ZMAT3: variants seen among roughly 807,000 people sequenced by gnomAD.
ZMAT3 encodes zinc finger matrin-type protein 3.
A neutral mutation model predicts 32.3 loss-of-function variants in ZMAT3; 17 were observed. That is an observed-to-expected ratio of 0.53 (90% CI 0.36 to 0.79). The LOEUF (loss-of-function observed/expected upper bound fraction) is 0.79, where lower values mean the gene tolerates loss of function less well. Among genes scored for constraint, ZMAT3 ranks in the 30% least tolerant of loss-of-function variants. ZMAT3 has a pLI of 0.00. For synonymous variants in ZMAT3, 120 were observed against 133.1 expected (o/e 0.90, Z 0.68); for missense variants, 329 against 359.7 (o/e 0.91, Z 0.69).
At chr3:179,032,139 ATTGCAGGTGTGCG>A (rs1719278183) in intron 2 of ZMAT3, among the ~76,000 whole-genome samples, 1 of 149,126 alleles carries the variant, frequency 6.7e-6, no homozygotes, top group Admixed American at 6.7e-5. Flanking sequence ...AGTGCCTGCG[ATTGCAGGTGTGCG>A]CCGCCACGCC....
At chr3:179,064,078 G>A (rs1041820993) in intron 2 of ZMAT3, among the ~76,000 whole-genome samples, 1 of 152,196 alleles carries the variant, frequency 6.6e-6, no homozygotes, top group Non-Finnish European at 1.5e-5. Flanking sequence ...ATACAGTCCG[G>A]CTCTAGTGTA....
chr3:179,067,344 C>G, intron 2 of ZMAT3, 139 bp downstream of exon 2: 1 of 934,390 alleles, frequency 1.1e-6, no homozygotes, highest in Admixed American at 2.4e-5. Context: ...GGCTTTTAAT[C>G]AAACAAATTC....
chr3:179,028,709 T>C (rs1159316679), intron 3 of ZMAT3, among the ~76,000 whole-genome samples: 6 of 152,262 alleles, frequency 3.9e-5, no homozygotes, highest in African/African-American at 7.2e-5. Flanking sequence ...GGTATCTTCT[T>C]GTTCTCTGAT....
intron 2 of ZMAT3, among the ~76,000 whole-genome samples, chr3:179,044,111 T>G (rs141051838): frequency 1.9e-4 from 29 of 152,362 alleles, no homozygotes; most frequent in African/African-American, 7.0e-4. Context: ...AGGAACGCTT[T>G]ACACTGTTGG....
At chr3:179,056,146 G>A (rs574390495) in intron 2 of ZMAT3, among the ~76,000 whole-genome samples, 5 of 152,288 alleles carry the variant, frequency 3.3e-5, no homozygotes, top group Admixed American at 2.0e-4. Flanking sequence ...TGACTCTATT[G>A]AAGGCCAACT....
chr3:179,030,986 C>T lies in ZMAT3; in HGVS notation c.284G>A (p.Gly95Asp). Reference sequence around the variant, plus strand: ...TGCATAGTAATTTCGGAGTTTCTTACCATGATTTTTACCCTAGAAATAAAA... The same window carrying T: ...TGCATAGTAATTTCGGAGTTTCTTATCATGATTTTTACCCTAGAAATAAAA... ...AQAHYQGKNH[G>D]KKLRNYYAAN... The change falls in exon 3 of 6, where the codon GGT becomes GAT. Residue 95 changes from glycine (G) to aspartate (D), a missense_variant. Gly to Asp is a moderately conservative substitution (Grantham distance 94). Transcript: ENST00000311417. 6.2e-7 allele frequency: 1 copy of T among 1,613,230 alleles called. No individual in the cohort carries two copies. The highest frequency in any genetic ancestry group is 8.5e-7 in the Non-Finnish European group (1 of 1,179,634).
intron 5 of ZMAT3, among the ~76,000 whole-genome samples, chr3:179,025,683 AAG>A (rs1718829945): frequency 6.6e-6 from 1 of 152,166 alleles, no homozygotes; most frequent in South Asian, 2.1e-4. Context: ...ATTTAGGGGG[AAG>A]AAGAGATTCA....
chr3:179,027,041 C>T (rs946986756), intron 5 of ZMAT3, among the ~76,000 whole-genome samples: 2 of 152,174 alleles, frequency 1.3e-5, no homozygotes, highest in African/African-American at 4.8e-5. Flanking sequence ...TTGGGTAATT[C>T]TGTTTCACTA....
rs1448788431 is a variant in ZMAT3 at position 179,041,963 on chromosome 3, G to A, written c.271-10964C>T. On this transcript the variant is annotated intron_variant, in intron 2 of 5. Coordinates refer to ENST00000311417, the MANE Select transcript of ZMAT3 (RefSeq NM_022470.4). ...CAGTGAATACTATAAACACCTCTAC[G>A]CAAACGAACTAGAAAATCTAGAAGA... 3.3e-5 allele frequency among the ~76,000 whole-genome samples: 5 copies of A among 152,236 alleles called. No homozygotes were observed. The East Asian group carries it at 7.7e-4, about 24-fold the overall frequency.
At chr3:179,026,531 CGTATGCCACCAT>C (rs1474730118) in intron 5 of ZMAT3, among the ~76,000 whole-genome samples, 1 of 151,718 alleles carries the variant, frequency 6.6e-6, no homozygotes, top group Admixed American at 6.6e-5. Context: ...GGATTACAGG[CGTATGCCACCAT>C]GCCCAGCTAA....
intron 2 of ZMAT3, among the ~76,000 whole-genome samples, chr3:179,051,611 CA>C (rs1028425066): frequency 9.2e-5 from 14 of 152,082 alleles, no homozygotes; most frequent in Admixed American, 7.2e-4. Context: ...CAATTCCCAT[CA>C]AAATACCATC....
chr3:179,039,988 G>A (rs1342654135), intron 2 of ZMAT3, among the ~76,000 whole-genome samples: 2 of 152,028 alleles, frequency 1.3e-5, no homozygotes, highest in African/African-American at 4.8e-5. Flanking sequence ...AGTGATTGAA[G>A]ATCAAATTAA....
chr3:179,040,607 A>G (rs555885582), intron 2 of ZMAT3, among the ~76,000 whole-genome samples: 29 of 152,086 alleles, frequency 1.9e-4, no homozygotes, highest in Admixed American at 5.2e-4. Flanking sequence ...ACAACCGGTA[A>G]CAACCACTGC....
At position 179,017,713 on chromosome 3, in the gene ZMAT3, TC is replaced by T. The variant is rs1718343229; in HGVS notation, c.*7303del. On this transcript the variant is annotated 3_prime_UTR_variant, in exon 6 of 6. Coordinates refer to ENST00000311417, the MANE Select transcript of ZMAT3 (RefSeq NM_022470.4). The stretch of plus-strand genomic sequence containing the variant: ...CCATTCAATAAAGGGTTCTAAAGCC[TC>T]CCTTGGTTTTACATTTTATTCTCTA... The T allele has an allele frequency of 6.6e-6, 1 of 152,212 alleles. No homozygotes were observed. Among genetic ancestry groups the T allele is most frequent in the Non-Finnish European group, 1.5e-5 (1 of 68,030 alleles). 9.4% of individuals were successfully genotyped at this position (152,212 alleles called of 1,614,324 possible). A position where few individuals can be genotyped will look rare whatever the true frequency, so the allele number is the denominator to read the frequency against.
At position 179,020,924 on chromosome 3, in the gene ZMAT3, T is replaced by C. The variant is rs1718512576; in HGVS notation, c.*4093A>G. On this transcript the variant is annotated 3_prime_UTR_variant, in exon 6 of 6. Coordinates refer to ENST00000311417, the MANE Select transcript of ZMAT3 (RefSeq NM_022470.4). ...AGATAGGTAGCTATAAGCAAGCATA[T>C]AGTTCTGTAGAAAAGCTTTCTAAAA... The C allele has an allele frequency of 6.6e-6, 1 of 152,220 alleles. No individual in the cohort carries two copies. The highest frequency in any genetic ancestry group is 2.1e-4 in the South Asian group (1 of 4,832). 9.4% of individuals were successfully genotyped at this position (152,220 alleles called of 1,614,324 possible).
At chr3:179,039,681 A>T (rs773681736) in intron 2 of ZMAT3, among the ~76,000 whole-genome samples, 4 of 152,242 alleles carry the variant, frequency 2.6e-5, no homozygotes, top group Admixed American at 6.5e-5. Flanking sequence ...TCTCCAAAGG[A>T]TCATAGTTCC....
intron 3 of ZMAT3, among the ~76,000 whole-genome samples, chr3:179,029,504 C>T (rs1465505047): frequency 6.6e-6 from 1 of 152,002 alleles, no homozygotes; most frequent in African/African-American, 2.4e-5. Flanking sequence ...CGCTCTGTCA[C>T]CCAGACTGGA....
At chr3:179,050,108 G>A (rs530388403) in intron 2 of ZMAT3, among the ~76,000 whole-genome samples, 1 of 146,560 alleles carries the variant, frequency 6.8e-6, no homozygotes, top group South Asian at 2.2e-4. Flanking sequence ...CCCAGCAGAA[G>A]AAAAGAAATA....
Position 179,027,664 on chromosome 3 carries a change from G to C in ZMAT3, c.539C>G (p.Ala180Gly), listed in dbSNP as rs750493002. The change falls in exon 4 of 6, where the codon GCT (alanine) becomes GGT (glycine). Residue 180 changes from alanine to glycine, a missense_variant. Physicochemically the swap from Ala to Gly is moderately conservative, Grantham distance 60. Transcript: ENST00000311417. ...NHAKRLRLAE[A>G]QSNSFSESSE... ...TACCTACGAGAATGAGTTACTCTGAGCTTCCGCCAGCCGCAGCCTCTTGGC... is the reference window on the plus strand; with the variant it reads ...TACCTACGAGAATGAGTTACTCTGACCTTCCGCCAGCCGCAGCCTCTTGGC... 6.2e-7 allele frequency: 1 copy of C among 1,614,126 alleles called. No homozygotes were observed. The highest frequency in any genetic ancestry group is 1.1e-5 in the South Asian group (1 of 91,076).
Sources: gnomAD v4.1 joint callset for allele counts (sites outside exome capture counted in the v4.1 genomes callset) on GRCh38, gnomAD v4.1.1 for gene constraint, MANE v1.5 for transcripts, NCBI Gene and HGNC (gene_info 2026-07-23, HGNC 2026-07-21) for gene names.